The following MAN2A1 variants were observed in gnomAD, a reference collection of about 807,000 sequenced individuals.
MAN2A1 encodes alpha-mannosidase 2.
MAN2A1 carries 76 observed loss-of-function variants against 142.6 expected under a neutral mutation model. The ratio of observed to expected loss-of-function variants is 0.53; its 90% CI spans 0.44 to 0.65. The LOEUF is 0.65. Among genes scored for constraint, MAN2A1 ranks in the 30% least tolerant of loss-of-function variants. The pLI, the probability that MAN2A1 is intolerant of heterozygous loss-of-function variation, is 0.00. For missense variants in MAN2A1, 1,311 were observed against 1,365.1 expected, an observed-to-expected ratio of 0.96 and a Z score of 0.62; for synonymous variants, 559 against 473.2, an observed-to-expected ratio of 1.18 and a Z score of -2.35.
intron 2 of MAN2A1, among the ~76,000 whole-genome samples, chr5:109,714,728 A>G (rs1217773397): frequency 1.3e-5 from 2 of 152,210 alleles, no homozygotes; most frequent in Admixed American, 6.5e-5. Context: ...TCGAATATGT[A>G]CTTTCCACTA....
intron 20 of MAN2A1, 97 bp downstream of exon 20, chr5:109,855,431 A>G (rs1254015552): frequency 6.8e-6 from 5 of 733,894 alleles, no homozygotes; most frequent in African/African-American, 1.8e-5. Context: ...ATGCTTTACT[A>G]TGCTTTGAGG....
At chr5:109,825,610 G>T (rs1754734739) in intron 16 of MAN2A1, among the ~76,000 whole-genome samples, 1 of 152,150 alleles carries the variant, frequency 6.6e-6, no homozygotes, top group Non-Finnish European at 1.5e-5. Flanking sequence ...GTAGCTTAGT[G>T]CTTGACTTGG....
At chr5:109,741,017 C>T (rs1158592258) in intron 4 of MAN2A1, among the ~76,000 whole-genome samples, 1 of 152,064 alleles carries the variant, frequency 6.6e-6, no homozygotes, top group South Asian at 2.1e-4. Context: ...TCCAATATTA[C>T]ACATAAAATA....
At position 109,859,414 on chromosome 5, in the gene MAN2A1, G is replaced by T. The variant is rs116449710; in HGVS notation, c.3171+4080G>T. Among the ~76,000 whole-genome samples the T allele has an allele frequency of 7.8e-3, 1,181 of 152,268 alleles. 11 individuals carry two copies. Among genetic ancestry groups the T allele is most frequent in the African/African-American group, 0.027 (1,142 of 41,554 alleles). ...ATATGCCGTATATTTGTATTCAGATGAAAAGGGGAACAAACATCTCTGGAA... is the reference window on the plus strand; with the variant it reads ...ATATGCCGTATATTTGTATTCAGATTAAAAGGGGAACAAACATCTCTGGAA... On this transcript the variant is annotated intron_variant, in intron 20 of 21. Transcript: ENST00000261483.
intron 3 of MAN2A1, among the ~76,000 whole-genome samples, chr5:109,722,960 G>T (rs945239450): frequency 2.0e-5 from 3 of 152,110 alleles, no homozygotes; most frequent in Non-Finnish European, 2.9e-5. Flanking sequence ...TCATAGATGG[G>T]ATCATTAATG....
intron 15 of MAN2A1, among the ~76,000 whole-genome samples, chr5:109,821,859 T>G (rs1358821910): frequency 2.0e-5 from 3 of 152,110 alleles, no homozygotes; most frequent in African/African-American, 7.2e-5. Context: ...TTAATTATTT[T>G]ATTGTATTTC....
At chr5:109,754,040 C>G (rs1361413565) in intron 4 of MAN2A1, among the ~76,000 whole-genome samples, 1 of 151,872 alleles carries the variant, frequency 6.6e-6, no homozygotes. Context: ...TTCCAAGTAG[C>G]TGGGACTACA....
At chr5:109,706,188 C>T (rs1288816583) in intron 1 of MAN2A1, among the ~76,000 whole-genome samples, 1 of 152,170 alleles carries the variant, frequency 6.6e-6, no homozygotes, top group Non-Finnish European at 1.5e-5. Flanking sequence ...GAGGAAACTG[C>T]AGCACAGAGA....
Position 109,846,006 on chromosome 5 carries a change from G to A in MAN2A1, c.2842G>A (p.Gly948Ser), listed in dbSNP as rs1364297668. Residue 948 changes from glycine (G) to serine (S), a missense_variant and splice_region_variant, in exon 18 of 22, where the codon GGT becomes AGT. Gly to Ser is a moderately conservative substitution (Grantham distance 56, BLOSUM62 0). Transcript: ENST00000261483. ...ATTAGGGGTTTCGAGTTTGAATAGT[G>A]GTATGTATTGCTTACACTCTTTTCC... ...QSLGVSSLNSGQIEVIMDRRL... is the reference protein window; with the variant it reads ...QSLGVSSLNSSQIEVIMDRRL... 4.4e-6 allele frequency: 7 copies of A among 1,608,972 alleles called. No homozygotes were observed. The highest frequency in any genetic ancestry group is 5.1e-6 in the Non-Finnish European group (6 of 1,177,716).
At chr5:109,777,710 A>G (rs1246682590) in intron 8 of MAN2A1, among the ~76,000 whole-genome samples, 1 of 152,108 alleles carries the variant, frequency 6.6e-6, no homozygotes, top group Admixed American at 6.5e-5. Flanking sequence ...ATTTAGGTCT[A>G]TAATCTATCT....
intron 4 of MAN2A1, among the ~76,000 whole-genome samples, chr5:109,746,264 C>T (rs531704215): frequency 2.6e-5 from 4 of 152,292 alleles, no homozygotes; most frequent in Non-Finnish European, 4.4e-5. Flanking sequence ...TGTGAACCAC[C>T]GCGTCTGGCC....
intron 12 of MAN2A1, among the ~76,000 whole-genome samples, chr5:109,795,455 C>G (rs973629321): frequency 5.9e-5 from 9 of 152,104 alleles, no homozygotes; most frequent in African/African-American, 2.2e-4. Flanking sequence ...GAGACTGACT[C>G]TTAGTTTCCC....
At chr5:109,842,806 G>GTTTTTTGTTTTTTTT (rs1554082994) in intron 17 of MAN2A1, among the ~76,000 whole-genome samples, 3 of 116,210 alleles carry the variant, frequency 2.6e-5, no homozygotes, top group African/African-American at 9.8e-5. Flanking sequence ...TACTTATTGG[G>GTTTTTTGTTTTTTTT]TTTTTTTTTT....
chr5:109,811,038 G>T, intron 12 of MAN2A1, among the ~76,000 whole-genome samples: 1 of 150,276 alleles, frequency 6.7e-6, no homozygotes, highest in South Asian at 2.1e-4. Context: ...TTTTAAGATA[G>T]AAAAATTTTT....
At chr5:109,699,347 A>G (rs10066423) in intron 1 of MAN2A1, among the ~76,000 whole-genome samples, 12,753 of 152,308 alleles carry the variant, frequency 0.084, 629 homozygotes, top group African/African-American at 0.15. Flanking sequence ...ATTGAAAACC[A>G]GTAAACAAGG....
chr5:109,758,985 T>G (rs955021449), intron 5 of MAN2A1, among the ~76,000 whole-genome samples: 1 of 152,106 alleles, frequency 6.6e-6, no homozygotes, highest in Non-Finnish European at 1.5e-5. Context: ...TCTTGATTAC[T>G]ATAGCTTGTA....
At chr5:109,724,904 G>T (rs187416685) in intron 3 of MAN2A1, among the ~76,000 whole-genome samples, 49 of 152,170 alleles carry the variant, frequency 3.2e-4, no homozygotes, top group Middle Eastern at 6.8e-3. Flanking sequence ...AGCTAATATG[G>T]TTGTATTATT....
chr5:109,852,861 A>G (rs889808491), intron 19 of MAN2A1, among the ~76,000 whole-genome samples: 1 of 152,212 alleles, frequency 6.6e-6, no homozygotes, highest in African/African-American at 2.4e-5. Flanking sequence ...ATGGTTCAAC[A>G]GTTAATATCT....
chr5:109,750,901 T>A (rs1259017820), intron 4 of MAN2A1, among the ~76,000 whole-genome samples: 1 of 152,096 alleles, frequency 6.6e-6, no homozygotes, highest in African/African-American at 2.4e-5. Context: ...TGATATTTTG[T>A]TACATGCATG....
Sources: gnomAD v4.1 joint callset for allele counts (sites outside exome capture counted in the v4.1 genomes callset) on GRCh38, gnomAD v4.1.1 for gene constraint, MANE v1.5 for transcripts, NCBI Gene and HGNC (gene_info 2026-07-23, HGNC 2026-07-21) for gene names.